MYO16: variants seen among roughly 807,000 people sequenced by gnomAD.
MYO16 encodes myosin XVI.
In MYO16, 94 loss-of-function variants were observed where a neutral mutation model predicts 205.3. The ratio of observed to expected loss-of-function variants is 0.46; its 90% CI spans 0.39 to 0.54. The LOEUF (loss-of-function observed/expected upper bound fraction) is 0.54, where lower values mean the gene tolerates loss of function less well. Ranked by LOEUF, MYO16 falls within the 20% of genes least tolerant of loss-of-function variation. The pLI is 0.00. For missense variants in MYO16, 2,315 were observed against 2,387.5 expected (o/e 0.97, Z 0.63); for synonymous variants, 988 against 954.0 (o/e 1.04, Z -0.66).
chr13:108,950,994 G>A (rs1389465742), intron 16 of MYO16, among the ~76,000 whole-genome samples: 2 of 152,026 alleles, frequency 1.3e-5, no homozygotes, highest in East Asian at 3.9e-4. Flanking sequence ...TTATAAACTT[G>A]ATAACAGATG....
chr13:108,637,194 G>T (rs1566519874), intron 1 of MYO16, among the ~76,000 whole-genome samples: 1 of 152,160 alleles, frequency 6.6e-6, no homozygotes, highest in Non-Finnish European at 1.5e-5. Context: ...ATGGGCTGCT[G>T]GTGTACTGAT....
intron 6 of MYO16, among the ~76,000 whole-genome samples, chr13:108,804,388 G>T (rs1487084577): frequency 6.6e-6 from 1 of 151,878 alleles, no homozygotes; most frequent in Non-Finnish European, 1.5e-5. Flanking sequence ...TAGCAGGAGA[G>T]GAATGTTCTG....
At position 108,878,898 on chromosome 13, in the gene MYO16, C is replaced by T. The variant is rs560162874; in HGVS notation, c.1426-4161C>T. On this transcript the variant is annotated intron_variant, in intron 12 of 34. Coordinates refer to ENST00000457511, the MANE Select transcript of MYO16 (RefSeq NM_001198950.3). ...TTAGGGAACTCTCCCATTTCATCTTCACCAACATGTAGGGTTGCACTGAAT... is the reference window on the plus strand; with the variant it reads ...TTAGGGAACTCTCCCATTTCATCTTTACCAACATGTAGGGTTGCACTGAAT... 4.6e-5 allele frequency among the ~76,000 whole-genome samples: 7 copies of T among 152,358 alleles called. No individual in the cohort carries two copies. The South Asian group carries it at 1.2e-3, about 27-fold the overall frequency.
chr13:108,686,686 T>A (rs1882691368), intron 2 of MYO16, among the ~76,000 whole-genome samples: 1 of 152,236 alleles, frequency 6.6e-6, no homozygotes, highest in African/African-American at 2.4e-5. Flanking sequence ...CTAAATTTTT[T>A]ATTTTTACTC....
intron 1 of MYO16, among the ~76,000 whole-genome samples, chr13:108,647,563 G>A (rs956996618): frequency 6.6e-6 from 1 of 151,926 alleles, no homozygotes; most frequent in Non-Finnish European, 1.5e-5. Flanking sequence ...TATAACTTCT[G>A]CCTTTTTTCC....
chr13:108,711,101 G>A (rs991339851), intron 2 of MYO16, among the ~76,000 whole-genome samples: 1 of 152,136 alleles, frequency 6.6e-6, no homozygotes, highest in African/African-American at 2.4e-5. Context: ...CAGAGAAAGG[G>A]TGGGGGGAAG....
intron 9 of MYO16, among the ~76,000 whole-genome samples, chr13:108,832,949 T>G (rs1342300989): frequency 2.0e-5 from 3 of 152,154 alleles, no homozygotes; most frequent in Non-Finnish European, 4.4e-5. Context: ...AGTCCAGTAG[T>G]GCACAAAGAG....
intron 34 of MYO16, among the ~76,000 whole-genome samples, chr13:109,196,652 T>G (rs1880169525): frequency 6.6e-6 from 1 of 152,168 alleles, no homozygotes; most frequent in Non-Finnish European, 1.5e-5. Context: ...GGAGCTTGTT[T>G]ATGAGAAATG....
chr13:108,901,731 G>A (rs1435801590), intron 15 of MYO16, among the ~76,000 whole-genome samples: 1 of 152,092 alleles, frequency 6.6e-6, no homozygotes, highest in African/African-American at 2.4e-5. Context: ...GCTTCCTGCT[G>A]TGTTCTTTTA....
chr13:108,539,854 C>A, the MYO16 span, among the ~76,000 whole-genome samples: 3 of 152,014 alleles, frequency 2.0e-5, no homozygotes, highest in Non-Finnish European at 4.4e-5. Context: ...TACTGGTTAT[C>A]TAATGGGAGG....
the MYO16 span, among the ~76,000 whole-genome samples, chr13:108,547,622 T>C: frequency 1.3e-5 from 2 of 152,252 alleles, no homozygotes; most frequent in African/African-American, 4.8e-5. Context: ...AAGTGCAACA[T>C]AATGTACTAT....
chr13:109,154,928 A>T (rs1444302224), intron 32 of MYO16, among the ~76,000 whole-genome samples: 2 of 151,112 alleles, frequency 1.3e-5, no homozygotes, highest in Non-Finnish European at 3.0e-5. Flanking sequence ...AAAAAAAAAA[A>T]AAAAAAAAAG....
intron 4 of MYO16, among the ~76,000 whole-genome samples, chr13:108,771,153 A>T (rs1885949499): frequency 6.6e-6 from 1 of 152,210 alleles, no homozygotes; most frequent in African/African-American, 2.4e-5. Flanking sequence ...CGTAGAGGAT[A>T]GTTCTCACTT....
chr13:108,825,581 A>ATAAATAAG (rs1876214833), intron 9 of MYO16, among the ~76,000 whole-genome samples: 2 of 151,140 alleles, frequency 1.3e-5, no homozygotes, highest in Admixed American at 6.6e-5. Flanking sequence ...TAGCAAGAAA[A>ATAAATAAG]TAAATAAATA....
At chr13:109,036,215 T>TTGGTGGATAGAGCTATTTCTG (rs1886713152) in intron 23 of MYO16, among the ~76,000 whole-genome samples, 1 of 152,190 alleles carries the variant, frequency 6.6e-6, no homozygotes, top group Non-Finnish European at 1.5e-5. Flanking sequence ...AAATCCAGTG[T>TTGGTGGATAGAGCTATTTCTG]TGGTGGATAG....
At chr13:108,619,516 G>A (rs570309691) in intron 1 of MYO16, among the ~76,000 whole-genome samples, 2 of 152,270 alleles carry the variant, frequency 1.3e-5, no homozygotes, top group African/African-American at 2.4e-5. Context: ...ACTCGAGGGT[G>A]TAAAAGTAAA....
chr13:109,039,437 A>C (rs1255980671), intron 23 of MYO16, among the ~76,000 whole-genome samples: 1 of 152,208 alleles, frequency 6.6e-6, no homozygotes, highest in Non-Finnish European at 1.5e-5. Context: ...CAGATGGACT[A>C]TCTGCTCGGC....
At chr13:108,644,438 C>G (rs753576921) in intron 1 of MYO16, among the ~76,000 whole-genome samples, 4 of 151,844 alleles carry the variant, frequency 2.6e-5, no homozygotes, top group Non-Finnish European at 4.4e-5. Context: ...TTACTGCAAC[C>G]CATGAGCTGA....
At chr13:108,930,548 C>T (rs566563529) in intron 16 of MYO16, among the ~76,000 whole-genome samples, 10 of 152,038 alleles carry the variant, frequency 6.6e-5, no homozygotes, top group Non-Finnish European at 1.0e-4. Flanking sequence ...CAAAAGGTGC[C>T]AAAAGGATGA....
Sources: allele counts gnomAD v4.1 joint callset (sites outside exome capture counted in the v4.1 genomes callset), GRCh38; gene constraint gnomAD v4.1.1; transcripts MANE v1.5; gene names NCBI Gene and HGNC (gene_info 2026-07-23, HGNC 2026-07-21).